RYR2: variants seen among roughly 807,000 people sequenced by gnomAD.
RYR2 encodes the protein cardiac muscle ryanodine receptor-calcium release channel.
In RYR2, 227 loss-of-function variants were observed where a neutral mutation model predicts 601.1. That is an observed-to-expected ratio of 0.38 (90% CI 0.34 to 0.42). RYR2 has a LOEUF of 0.42. Among genes scored for constraint, RYR2 ranks in the 10% least tolerant of loss-of-function variants. RYR2 has a pLI of 1.00. For synonymous variants in RYR2, 2,223 were observed against 2,175.1 expected (o/e 1.02, Z -0.61); for missense variants, 4,646 against 6,156.5 (o/e 0.75, Z 8.21).
intron 1 of RYR2, among the ~76,000 whole-genome samples, chr1:237,107,940 C>T (rs1668928610): frequency 6.6e-6 from 1 of 152,164 alleles, no homozygotes; most frequent in African/African-American, 2.4e-5. Flanking sequence ...AAAGCCTCTA[C>T]TCCTTTGTGG....
intron 25 of RYR2, among the ~76,000 whole-genome samples, chr1:237,545,896 A>G (rs1203059258): frequency 2.0e-5 from 3 of 151,768 alleles, no homozygotes; most frequent in Non-Finnish European, 4.4e-5. Context: ...CTTGCCTCAA[A>G]AAAGAACAAA....
chr1:237,601,753 A>C (rs928547502), intron 34 of RYR2, among the ~76,000 whole-genome samples: 2 of 152,210 alleles, frequency 1.3e-5, no homozygotes, highest in Admixed American at 6.5e-5. Context: ...AATTAAAAGA[A>C]AATGGAAAAA....
At chr1:237,651,311 A>G (rs1682706669) in intron 50 of RYR2, 100 bp from the exon 51 acceptor site, 1 of 788,266 alleles carries the variant, frequency 1.3e-6, no homozygotes, top group Admixed American at 2.0e-5. Context: ...GAAGTGAGGT[A>G]TAGATTCAGG....
At chr1:237,380,711 G>A (rs1701431727) in intron 8 of RYR2, among the ~76,000 whole-genome samples, 1 of 151,804 alleles carries the variant, frequency 6.6e-6, no homozygotes, top group Non-Finnish European at 1.5e-5. Flanking sequence ...GGAGGCCAAG[G>A]CGGGAGGATC....
intron 1 of RYR2, among the ~76,000 whole-genome samples, chr1:237,093,822 C>T (rs147593634): frequency 5.3e-5 from 8 of 152,300 alleles, no homozygotes; most frequent in African/African-American, 7.2e-5. Flanking sequence ...AATCTGTGTG[C>T]GGCCTGTGTT....
In RYR2 at chr1:237,436,454, C is replaced by CTTTTTTTTTTTTTTTTTTTTTT. The variant is rs551140501; in HGVS notation, c.1006-4862_1006-4841dup. Among the ~76,000 whole-genome samples the CTTTTTTTTTTTTTTTTTTTTTT allele has an allele frequency of 1.1e-3, 56 of 48,716 alleles. 6 individuals carry two copies. The highest frequency in any genetic ancestry group is 3.2e-3 in the African/African-American group (32 of 10,158). The allele number at this position is 48,716 out of a possible 152,430, so 32.0% of individuals were successfully genotyped here. On this transcript the variant is annotated intron_variant, in intron 12 of 104. Coordinates refer to ENST00000366574, the MANE Select transcript of RYR2 (RefSeq NM_001035.3). ...AGCCGAGGGATAATGTGTGATTTTC[C>CTTTTTTTTTTTTTTTTTTTTTT]TTTTTTTTTTTTTTTTTTTTTTTTG...
At chr1:237,161,913 C>A (rs961158640) in intron 1 of RYR2, among the ~76,000 whole-genome samples, 9 of 152,102 alleles carry the variant, frequency 5.9e-5, no homozygotes, top group African/African-American at 2.2e-4. Context: ...ATAGCAAATA[C>A]GTCAAATCTT....
At chr1:237,476,363 A>T (rs1479239242) in intron 17 of RYR2, among the ~76,000 whole-genome samples, 1 of 152,058 alleles carries the variant, frequency 6.6e-6, no homozygotes, top group African/African-American at 2.4e-5. Flanking sequence ...ACAAAAAATT[A>T]GCCAGGCATG....
At chr1:237,533,014 A>G (rs1466158488) in intron 25 of RYR2, among the ~76,000 whole-genome samples, 4 of 152,186 alleles carry the variant, frequency 2.6e-5, no homozygotes, top group African/African-American at 9.6e-5. Context: ...AGATAGATGG[A>G]TGGGGCACAG....
At chr1:237,661,930 G>GCTT (rs1315836244) in intron 56 of RYR2, among the ~76,000 whole-genome samples, 2 of 152,076 alleles carry the variant, frequency 1.3e-5, no homozygotes, top group Non-Finnish European at 2.9e-5. Flanking sequence ...CATGTGAGCT[G>GCTT]CTTACCTTTG....
intron 63 of RYR2, among the ~76,000 whole-genome samples, chr1:237,694,321 T>G (rs35956606): frequency 0.2 from 30,242 of 150,420 alleles, 3,902 homozygotes; most frequent in East Asian, 0.53. Flanking sequence ...GAAAAATTAC[T>G]TAAAGTACTC....
chr1:237,291,414 A>G (rs1291779789), intron 2 of RYR2, among the ~76,000 whole-genome samples: 6 of 152,170 alleles, frequency 3.9e-5, no homozygotes, highest in Admixed American at 1.3e-4. Context: ...TTACTGTACA[A>G]TCCAGCAATC....
chr1:237,803,352 G>A (rs1660201653), intron 98 of RYR2, among the ~76,000 whole-genome samples: 1 of 151,332 alleles, frequency 6.6e-6, no homozygotes. Flanking sequence ...CACCCAGGCT[G>A]GAGTGCAGTG....
chr1:237,266,333 T>TGG, intron 1 of RYR2, among the ~76,000 whole-genome samples: 1 of 150,064 alleles, frequency 6.7e-6, no homozygotes, highest in South Asian at 2.1e-4. Flanking sequence ...AACTAGATTG[T>TGG]GTGTGTGTGT....
chr1:237,134,162 T>G (rs1438015899), intron 1 of RYR2, among the ~76,000 whole-genome samples: 1 of 152,122 alleles, frequency 6.6e-6, no homozygotes, highest in East Asian at 1.9e-4. Flanking sequence ...CAGGAAACCT[T>G]GAAGTTCCTG....
intron 1 of RYR2, among the ~76,000 whole-genome samples, chr1:237,266,743 A>G (rs560538684): frequency 3.3e-5 from 5 of 152,310 alleles, no homozygotes; most frequent in African/African-American, 1.2e-4. Context: ...TCAAAGTTGA[A>G]CCACGATTGA....
intron 2 of RYR2, among the ~76,000 whole-genome samples, chr1:237,328,498 CTT>C (rs1696382511): frequency 6.6e-6 from 1 of 151,922 alleles, no homozygotes; most frequent in African/African-American, 2.4e-5. Context: ...TGAGAGGACT[CTT>C]TGCTGGCTGA....
intron 1 of RYR2, among the ~76,000 whole-genome samples, chr1:237,081,999 G>A (rs921951346): frequency 6.6e-6 from 1 of 152,114 alleles, no homozygotes; most frequent in Non-Finnish European, 1.5e-5. Context: ...GAAGAACTTG[G>A]TGGGCAAAGA....
intron 63 of RYR2, among the ~76,000 whole-genome samples, chr1:237,697,939 A>G (rs1687635936): frequency 1.3e-5 from 2 of 152,198 alleles, no homozygotes; most frequent in South Asian, 4.1e-4. Flanking sequence ...TATTTGTATC[A>G]TATCACTAAA....
Sources: gnomAD v4.1 joint callset for allele counts (sites outside exome capture counted in the v4.1 genomes callset) on GRCh38, gnomAD v4.1.1 for gene constraint, MANE v1.5 for transcripts, NCBI Gene and HGNC (gene_info 2026-07-23, HGNC 2026-07-21) for gene names.